Variants in THRB observed in about 807,000 individuals in gnomAD.
THRB encodes the protein nuclear receptor subfamily 1 group A member 2.
THRB carries 12 observed loss-of-function variants against 47.8 expected under a neutral mutation model. That is an observed-to-expected ratio of 0.25 (90% confidence interval 0.16 to 0.41). THRB has a LOEUF of 0.41. THRB is among the 10% of genes least tolerant of loss of function. The pLI is 1.00. For synonymous variants in THRB, 218 were observed against 212.2 expected (o/e 1.03, Z -0.24); for missense variants, 348 against 589.2 (o/e 0.59, Z 4.24).
chr3:24,254,566 T>G (rs907440435), intron 3 of THRB, among the ~76,000 whole-genome samples: 1 of 152,168 alleles, frequency 6.6e-6, no homozygotes, highest in Non-Finnish European at 1.5e-5. Context: ...TGAAGAAGAT[T>G]GCACTTAAAT....
intron 2 of THRB, among the ~76,000 whole-genome samples, chr3:24,312,957 G>C (rs1417116014): frequency 6.6e-6 from 1 of 152,156 alleles, no homozygotes; most frequent in African/African-American, 2.4e-5. Flanking sequence ...ATGGTGGCTT[G>C]ACCCAGCAGG....
At chr3:24,359,977 A>C (rs2063951152) in intron 1 of THRB, among the ~76,000 whole-genome samples, 1 of 152,198 alleles carries the variant, frequency 6.6e-6, no homozygotes, top group African/African-American at 2.4e-5. Context: ...CATATTTTGA[A>C]GATTAACTGT....
chr3:24,258,244 C>T (rs191190636), intron 3 of THRB, among the ~76,000 whole-genome samples: 1 of 152,138 alleles, frequency 6.6e-6, no homozygotes, highest in Non-Finnish European at 1.5e-5. Context: ...TAAGAACCAA[C>T]AGGGTGGGAG....
intron 3 of THRB, among the ~76,000 whole-genome samples, chr3:24,235,892 T>G (rs2048811669): frequency 6.6e-6 from 1 of 152,128 alleles, no homozygotes; most frequent in South Asian, 2.1e-4. Context: ...AAGCAACTAT[T>G]TTTATGAAGT....
intron 3 of THRB, among the ~76,000 whole-genome samples, chr3:24,269,399 GCGCGCACACACACACACACA>G (rs1202697077): frequency 1.1e-5 from 1 of 89,872 alleles, no homozygotes; most frequent in African/African-American, 4.4e-5. Flanking sequence ...GCGCGCGCGC[GCGCGCACACACACACACACA>G]CACACACACA....
chr3:24,435,728 T>A (rs1289681316), intron 1 of THRB, among the ~76,000 whole-genome samples: 1 of 152,120 alleles, frequency 6.6e-6, no homozygotes, highest in African/African-American at 2.4e-5. Flanking sequence ...CCCCAAAGTA[T>A]TGAAAAGGCA....
At chr3:24,283,517 C>G (rs1247396826) in intron 3 of THRB, among the ~76,000 whole-genome samples, 3 of 151,108 alleles carry the variant, frequency 2.0e-5, no homozygotes, top group African/African-American at 4.9e-5. Flanking sequence ...CCTTTGAAAA[C>G]TGGCACAAGA....
intron 1 of THRB, among the ~76,000 whole-genome samples, chr3:24,370,797 G>C (rs2064849119): frequency 6.6e-6 from 1 of 152,108 alleles, no homozygotes; most frequent in African/African-American, 2.4e-5. Flanking sequence ...GAGACTGTTT[G>C]ATTTTAGCTT....
intron 2 of THRB, among the ~76,000 whole-genome samples, chr3:24,313,898 G>A (rs942823350): frequency 6.6e-6 from 1 of 152,012 alleles, no homozygotes; most frequent in Non-Finnish European, 1.5e-5. Flanking sequence ...GACATTTATT[G>A]TAGCTTCCCA....
intron 2 of THRB, among the ~76,000 whole-genome samples, chr3:24,324,519 C>T (rs2058687418): frequency 6.6e-6 from 1 of 152,136 alleles, no homozygotes; most frequent in Admixed American, 6.5e-5. Context: ...CTGTTACATC[C>T]AGTTACTTTT....
At chr3:24,247,560 C>T (rs570820397) in intron 3 of THRB, among the ~76,000 whole-genome samples, 1 of 152,214 alleles carries the variant, frequency 6.6e-6, no homozygotes, top group Non-Finnish European at 1.5e-5. Flanking sequence ...CTAAACTTGA[C>T]TGCATCTTGC....
intron 5 of THRB, among the ~76,000 whole-genome samples, chr3:24,172,045 T>TCA (rs1314996403): frequency 2.0e-5 from 3 of 152,110 alleles, no homozygotes; most frequent in African/African-American, 2.4e-5. Flanking sequence ...TCTTGGAGAT[T>TCA]CACACACACA....
chr3:24,306,974 A>T (rs4616587), intron 2 of THRB, among the ~76,000 whole-genome samples: 46,674 of 152,018 alleles, frequency 0.31, 7,293 homozygotes, highest in East Asian at 0.42. Context: ...AGCAAACCAC[A>T]ATTACAGATC....
At chr3:24,125,885 G>C (rs2032675465) in intron 10 of THRB, among the ~76,000 whole-genome samples, 1 of 152,204 alleles carries the variant, frequency 6.6e-6, no homozygotes, top group Non-Finnish European at 1.5e-5. Context: ...TGAAGGACAG[G>C]AGATTATCCA....
intron 1 of THRB, among the ~76,000 whole-genome samples, chr3:24,432,481 A>G (rs2070534156): frequency 6.6e-6 from 1 of 152,132 alleles, no homozygotes; most frequent in Admixed American, 6.6e-5. Flanking sequence ...CATATTCAGC[A>G]CTAAAGCTAT....
intron 1 of THRB, among the ~76,000 whole-genome samples, chr3:24,453,670 C>T (rs2072892043): frequency 6.6e-6 from 1 of 152,194 alleles, no homozygotes; most frequent in South Asian, 2.1e-4. Context: ...ATCCACAAAA[C>T]CACTCAACTA....
At chr3:24,473,457 G>A (rs4416335) in intron 1 of THRB, among the ~76,000 whole-genome samples, 39,782 of 152,108 alleles carry the variant, frequency 0.26, 5,533 homozygotes, top group East Asian at 0.36. Context: ...TGTAGAGGAT[G>A]TGGAGAAATA....
chr3:24,139,810 C>CT (rs1365243460), intron 8 of THRB, among the ~76,000 whole-genome samples: 2 of 152,172 alleles, frequency 1.3e-5, no homozygotes, highest in Non-Finnish European at 1.5e-5. Context: ...TAAATGAATA[C>CT]TTTCAGCTTT....
intron 1 of THRB, among the ~76,000 whole-genome samples, chr3:24,375,123 C>T (rs1056054163): frequency 5.4e-5 from 8 of 149,480 alleles, no homozygotes; most frequent in South Asian, 2.1e-4. Context: ...TTATGACTGA[C>T]GATTTAAAAA....
Sources: gnomAD v4.1 joint callset for allele counts (sites outside exome capture counted in the v4.1 genomes callset) on GRCh38, gnomAD v4.1.1 for gene constraint, MANE v1.5 for transcripts, NCBI Gene and HGNC (gene_info 2026-07-23, HGNC 2026-07-21) for gene names.